MECOM: variants seen among roughly 807,000 people sequenced by gnomAD.
MECOM encodes the protein MDS1 and EVI1 complex locus.
A neutral mutation model predicts 116.3 loss-of-function variants in MECOM; 13 were observed. The observed-to-expected ratio is 0.11, with a 90% confidence interval of 0.07 to 0.18. MECOM has a LOEUF of 0.18. Among genes scored for constraint, MECOM ranks in the 10% least tolerant of loss-of-function variants. The pLI is 1.00. For synonymous variants in MECOM, 528 were observed against 535.2 expected (o/e 0.99, Z 0.19); for missense variants, 1,299 against 1,509.0 (o/e 0.86, Z 2.31).
chr3:169,464,429 T>A (rs1747949664), intron 1 of MECOM, among the ~76,000 whole-genome samples: 1 of 152,126 alleles, frequency 6.6e-6, no homozygotes, highest in Non-Finnish European at 1.5e-5. Context: ...AAAATCTTCC[T>A]TGTTGTCCAT....
chr3:169,115,682 T>C lies in MECOM; in HGVS notation c.2190A>G (p.Val730=). ...LKMEPQSPGE[V]KKLQKGSSES... ...CAGAGCTGCCCTTCTGCAGTTTCTT[T>C]ACTTCACCTGGTGATTGGGGTTCCA... is the stretch of plus-strand genomic sequence containing the variant. Residue 730 remains valine, a synonymous_variant, in exon 8 of 17, where the codon GTA becomes GTG. Transcript: ENST00000651503. 1.9e-6 allele frequency: 3 copies of C among 1,614,150 alleles called. No individual in the cohort carries two copies. The highest frequency in any genetic ancestry group is 2.5e-6 in the Non-Finnish European group (3 of 1,180,022).
intron 1 of MECOM, among the ~76,000 whole-genome samples, chr3:169,423,557 T>C (rs570518953): frequency 6.6e-6 from 1 of 152,240 alleles, no homozygotes; most frequent in South Asian, 2.1e-4. Flanking sequence ...AAAGAAACTA[T>C]ACAAAAGATG....
chr3:169,421,974 C>T lies in MECOM; in HGVS notation c.38-40450G>A, dbSNP rs139625368. 5.9e-5 allele frequency among the ~76,000 whole-genome samples: 9 copies of T among 152,166 alleles called. No individual in the cohort carries two copies. In the East Asian group the frequency reaches 1.7e-3, roughly 29 times the overall value. The stretch of plus-strand genomic sequence containing the variant: ...GAGGGTTTAACTTTCTGTAAAGAAC[C>T]TGGACAATCTTAAGAGAAACACGAT... On this transcript the variant is annotated intron_variant, in intron 1 of 16. Coordinates refer to ENST00000651503, the MANE Select transcript of MECOM (RefSeq NM_004991.4).
intron 1 of MECOM, among the ~76,000 whole-genome samples, chr3:169,382,470 G>C (rs1732564435): frequency 6.6e-6 from 1 of 152,076 alleles, no homozygotes. Flanking sequence ...TGGACCGTGG[G>C]AGACCTTAAG....
chr3:169,655,952 T>A (rs1775496811), intron 1 of MECOM, among the ~76,000 whole-genome samples: 2 of 152,216 alleles, frequency 1.3e-5, no homozygotes, highest in African/African-American at 4.8e-5. Context: ...ACTTCACAAG[T>A]AAAGATGCTA....
At chr3:169,267,477 G>A (rs1758450918) in intron 2 of MECOM, among the ~76,000 whole-genome samples, 1 of 152,170 alleles carries the variant, frequency 6.6e-6, no homozygotes, top group Non-Finnish European at 1.5e-5. Flanking sequence ...GGTAAATGGA[G>A]GCAGGAAAGA....
intron 2 of MECOM, among the ~76,000 whole-genome samples, chr3:169,367,536 G>C (rs1025326289): frequency 2.6e-5 from 4 of 151,998 alleles, no homozygotes; most frequent in Admixed American, 6.6e-5. Context: ...ATGTGTATTT[G>C]CCTGTGTGTG....
At chr3:169,592,455 A>C (rs989068497) in intron 1 of MECOM, among the ~76,000 whole-genome samples, 1 of 152,008 alleles carries the variant, frequency 6.6e-6, no homozygotes, top group African/African-American at 2.4e-5. Flanking sequence ...ACCCTGCCCA[A>C]CTGGGTTGTG....
intron 1 of MECOM, among the ~76,000 whole-genome samples, chr3:169,555,812 A>C (rs1476112022): frequency 6.6e-6 from 1 of 152,216 alleles, no homozygotes; most frequent in African/African-American, 2.4e-5. Flanking sequence ...GTATAAAAGC[A>C]ATTCATCACT....
At chr3:169,293,901 A>G (rs1715086232) in intron 2 of MECOM, among the ~76,000 whole-genome samples, 1 of 152,228 alleles carries the variant, frequency 6.6e-6, no homozygotes, top group Non-Finnish European at 1.5e-5. Flanking sequence ...ACCTGATCAC[A>G]GTCCTCAGGT....
chr3:169,398,543 A>G (rs1402259095), intron 1 of MECOM, among the ~76,000 whole-genome samples: 1 of 152,140 alleles, frequency 6.6e-6, no homozygotes, highest in Non-Finnish European at 1.5e-5. Context: ...CTTTTTGAGG[A>G]CCTCACAAAG....
chr3:169,381,055 G>A (rs908338674), intron 2 of MECOM, 132 bp downstream of exon 2: 3 of 793,488 alleles, frequency 3.8e-6, no homozygotes, highest in African/African-American at 3.5e-5. Context: ...GATTGTAAAG[G>A]AAGTTTATTC....
chr3:169,259,180 A>C (rs1170485020), intron 2 of MECOM, among the ~76,000 whole-genome samples: 1 of 152,188 alleles, frequency 6.6e-6, no homozygotes, highest in African/African-American at 2.4e-5. Flanking sequence ...GGACAAAAAG[A>C]AAAAGGGCCC....
At chr3:169,515,772 A>G (rs1379777306) in intron 1 of MECOM, among the ~76,000 whole-genome samples, 1 of 152,260 alleles carries the variant, frequency 6.6e-6, no homozygotes, top group Non-Finnish European at 1.5e-5. Context: ...AGAGGGAAGC[A>G]TCTTTGTAAA....
intron 2 of MECOM, among the ~76,000 whole-genome samples, chr3:169,319,595 T>C (rs1320634811): frequency 1.3e-5 from 2 of 152,130 alleles, no homozygotes; most frequent in African/African-American, 2.4e-5. Context: ...TTAGTGTCTA[T>C]AATGAATTGG....
chr3:169,625,833 G>C (rs769550867), intron 1 of MECOM, among the ~76,000 whole-genome samples: 1 of 152,194 alleles, frequency 6.6e-6, no homozygotes, highest in Non-Finnish European at 1.5e-5. Flanking sequence ...CCAGCAATCA[G>C]AAATTATTCC....
chr3:169,428,423 C>T (rs1230260898), intron 1 of MECOM, among the ~76,000 whole-genome samples: 15 of 152,160 alleles, frequency 9.9e-5, no homozygotes, highest in Admixed American at 9.8e-4. Flanking sequence ...CTATGAGAAT[C>T]GAATGCTGTC....
At chr3:169,627,316 T>C (rs1337990488) in intron 1 of MECOM, among the ~76,000 whole-genome samples, 1 of 152,228 alleles carries the variant, frequency 6.6e-6, no homozygotes, top group African/African-American at 2.4e-5. Context: ...CGAAAAGCCA[T>C]CTGCTGCCAA....
At chr3:169,322,841 T>C (rs1721102236) in intron 2 of MECOM, among the ~76,000 whole-genome samples, 1 of 151,048 alleles carries the variant, frequency 6.6e-6, no homozygotes, top group African/African-American at 2.4e-5. Flanking sequence ...CTAATAAAAA[T>C]ACAAAAATTA....
Sources: gnomAD v4.1 joint callset for allele counts (sites outside exome capture counted in the v4.1 genomes callset) on GRCh38, gnomAD v4.1.1 for gene constraint, MANE v1.5 for transcripts, NCBI Gene and HGNC (gene_info 2026-07-23, HGNC 2026-07-21) for gene names.